Variants in RTTN observed in about 807,000 individuals in gnomAD.
RTTN encodes rotatin.
In RTTN, 182 loss-of-function variants were observed where a neutral mutation model predicts 269.2. That is an observed-to-expected ratio of 0.68 (90% CI 0.60 to 0.76). RTTN has a LOEUF of 0.76. RTTN is among the 30% of genes least tolerant of loss of function. RTTN has a pLI of 0.00. For synonymous variants in RTTN, 1,006 were observed against 963.5 expected (o/e 1.04, Z -0.82); for missense variants, 2,545 against 2,608.6 (o/e 0.98, Z 0.53).
At chr18:70,079,943 G>A (rs1267354553) in intron 32 of RTTN, among the ~76,000 whole-genome samples, 2 of 151,846 alleles carry the variant, frequency 1.3e-5, no homozygotes, top group African/African-American at 4.8e-5. Context: ...TTTTCAAGGA[G>A]AAAAATGAAT....
chr18:70,109,759 T>C, intron 27 of RTTN, 42 bp from the exon 28 acceptor site: 1 of 1,412,376 alleles, frequency 7.1e-7, no homozygotes. Flanking sequence ...CAAGAAAGTA[T>C]AATGGGCTTA....
intron 9 of RTTN, among the ~76,000 whole-genome samples, chr18:70,190,065 G>A (rs144393859): frequency 6.6e-6 from 1 of 152,198 alleles, no homozygotes; most frequent in East Asian, 1.9e-4. Context: ...GAAATGAATG[G>A]GAAGAGTAAA....
chr18:70,124,544 G>C (rs1463793098), intron 25 of RTTN, among the ~76,000 whole-genome samples: 1 of 152,030 alleles, frequency 6.6e-6, no homozygotes, highest in Non-Finnish European at 1.5e-5. Context: ...TAAAAGCAAG[G>C]ATGTATAAAA....
intron 7 of RTTN, 61 bp downstream of exon 7, chr18:70,196,440 A>G: frequency 6.9e-7 from 1 of 1,451,112 alleles, no homozygotes; most frequent in African/African-American, 1.4e-5. Flanking sequence ...ACTATAATGG[A>G]AGGTTCCCAG....
chr18:70,197,085 G>T (rs997289183), intron 6 of RTTN, among the ~76,000 whole-genome samples: 2 of 152,110 alleles, frequency 1.3e-5, no homozygotes, highest in African/African-American at 2.4e-5. Flanking sequence ...ATTAACAGTT[G>T]GCACCCACTG....
At chr18:70,026,083 G>C (rs2056844971) in intron 43 of RTTN, among the ~76,000 whole-genome samples, 1 of 152,058 alleles carries the variant, frequency 6.6e-6, no homozygotes, top group African/African-American at 2.4e-5. Context: ...CATTATTATT[G>C]CTGTAATTTC....
intron 4 of RTTN, among the ~76,000 whole-genome samples, chr18:70,199,931 AATATCCT>A (rs1258989058): frequency 2.0e-5 from 3 of 152,260 alleles, no homozygotes; most frequent in African/African-American, 7.2e-5. Flanking sequence ...GCCATGTTCA[AATATCCT>A]ATATGGTGTC....
At position 70,057,805 on chromosome 18, in the gene RTTN, T is replaced by C. The variant is rs759821681; in HGVS notation, c.4968A>G (p.Thr1656=). ...CSIADATLIQ[T]CVQELRALLP... ...GCAGGGCTCTGAGTTCCTGGACACA[T>C]GTCTGTATGAGGGTAGCATCTGCAA... The change falls in exon 37 of 49, where the codon ACA becomes ACG. Residue 1656 remains threonine, a synonymous_variant. Transcript: ENST00000640769. 4.3e-6 allele frequency: 7 copies of C among 1,613,708 alleles called. No individual in the cohort carries two copies. The highest frequency in any genetic ancestry group is 1.1e-5 in the South Asian group (1 of 91,056).
At chr18:70,093,679 T>C (rs185188826) in intron 28 of RTTN, among the ~76,000 whole-genome samples, 39 of 152,344 alleles carry the variant, frequency 2.6e-4, no homozygotes, top group Admixed American at 2.5e-3. Flanking sequence ...ATAAGCTTTT[T>C]GATGTGCTGC....
At chr18:70,030,236 T>G (rs1863133804) in intron 41 of RTTN, 127 bp from the exon 42 acceptor site, 2 of 610,004 alleles carry the variant, frequency 3.3e-6, no homozygotes, top group African/African-American at 1.9e-5. Context: ...TTTAGAATTT[T>G]CAGTCAGAGA....
intron 12 of RTTN, among the ~76,000 whole-genome samples, chr18:70,167,560 A>G (rs1568497939): frequency 6.6e-6 from 1 of 152,148 alleles, no homozygotes; most frequent in Non-Finnish European, 1.5e-5. Flanking sequence ...CGTCTCTACT[A>G]AAAATACAAA....
At chr18:70,103,000 T>C (rs1432813551) in intron 28 of RTTN, among the ~76,000 whole-genome samples, 1 of 145,954 alleles carries the variant, frequency 6.9e-6, no homozygotes, top group Non-Finnish European at 1.5e-5. Flanking sequence ...GGAGCGCCTC[T>C]GCCCAGGCGC....
chr18:70,133,243 T>G (rs2060041001), intron 23 of RTTN, among the ~76,000 whole-genome samples: 1 of 152,152 alleles, frequency 6.6e-6, no homozygotes, highest in Non-Finnish European at 1.5e-5. Context: ...AGTTTCATTA[T>G]TTAGCCAAAC....
chr18:70,035,327 A>G (rs1454825894), intron 40 of RTTN, among the ~76,000 whole-genome samples: 3 of 152,244 alleles, frequency 2.0e-5, no homozygotes, highest in Non-Finnish European at 2.9e-5. Flanking sequence ...ACAGGGCTAC[A>G]GTAACCAAAG....
chr18:70,020,998 C>A lies in RTTN; in HGVS notation c.5951-181G>T, dbSNP rs573805658. ...CAACCTAATAGATATACTGTCCTCACTGAGGGCCTAATTATCTCACTAAAG... is the reference window on the plus strand; with the variant it reads ...CAACCTAATAGATATACTGTCCTCAATGAGGGCCTAATTATCTCACTAAAG... On this transcript the variant is annotated intron_variant, in intron 44 of 48. Transcript: ENST00000640769. The A allele has an allele frequency of 8.1e-6, 4 of 494,774 alleles. No homozygotes were observed. The East Asian group carries it at 8.8e-5, about 11-fold the overall frequency. The allele number at this position is 494,774 out of a possible 1,614,324, so 30.6% of individuals were successfully genotyped here.
intron 40 of RTTN, among the ~76,000 whole-genome samples, chr18:70,046,344 T>C (rs781463625): frequency 6.6e-6 from 1 of 152,174 alleles, no homozygotes; most frequent in Non-Finnish European, 1.5e-5. Flanking sequence ...CTGCCCTCAC[T>C]GCACTCAGTC....
chr18:70,019,792 G>C (rs1343973955), intron 45 of RTTN: 1 of 152,112 alleles, frequency 6.6e-6, no homozygotes, highest in Non-Finnish European at 1.5e-5. Flanking sequence ...CATTTCCTTA[G>C]AAAGACCGAA....
At chr18:70,177,191 C>T (rs116880207) in intron 10 of RTTN, among the ~76,000 whole-genome samples, 138 of 152,232 alleles carry the variant, frequency 9.1e-4, no homozygotes, top group Non-Finnish European at 1.5e-3. Flanking sequence ...AACGTTAACA[C>T]GCAAACCCCT....
chr18:70,102,859 G>C (rs577575431), intron 28 of RTTN, among the ~76,000 whole-genome samples: 2 of 152,214 alleles, frequency 1.3e-5, no homozygotes, highest in Non-Finnish European at 2.9e-5. Flanking sequence ...TGAAATTCTG[G>C]GTTGAAAATT....
Sources: allele counts gnomAD v4.1 joint callset (sites outside exome capture counted in the v4.1 genomes callset), GRCh38; gene constraint gnomAD v4.1.1; transcripts MANE v1.5; gene names NCBI Gene and HGNC (gene_info 2026-07-23, HGNC 2026-07-21).